Variants in SH3BGRL2 observed in about 807,000 individuals in gnomAD.
SH3BGRL2 encodes SH3 domain-binding glutamic acid-rich-like protein 2.
Under a neutral mutation model 14.8 loss-of-function variants are expected in SH3BGRL2, and 21 were observed. The observed-to-expected ratio is 1.42, with a 90% CI of 1.01 to 2.05. SH3BGRL2 has a LOEUF of 2.05. Ranked by LOEUF, SH3BGRL2 falls within the 30% of genes most tolerant of loss-of-function variation. SH3BGRL2 has a pLI of 0.00. For synonymous variants in SH3BGRL2, 50 were observed against 47.8 expected (o/e 1.05, Z -0.19); for missense variants, 147 against 130.8 (o/e 1.12, Z -0.61).
the SH3BGRL2 span, among the ~76,000 whole-genome samples, chr6:79,571,830 T>G: frequency 6.6e-6 from 1 of 152,218 alleles, no homozygotes; most frequent in Non-Finnish European, 1.5e-5. Flanking sequence ...ATGTGTGTTC[T>G]GCAATTTCTT....
chr6:79,674,226 A>G (rs1769836784), intron 2 of SH3BGRL2, among the ~76,000 whole-genome samples: 1 of 152,124 alleles, frequency 6.6e-6, no homozygotes, highest in African/African-American at 2.4e-5. Context: ...AGAGGGGGAT[A>G]ATTATCTTTG....
the SH3BGRL2 span, among the ~76,000 whole-genome samples, chr6:79,569,280 T>C: frequency 1.2e-4 from 19 of 152,298 alleles, no homozygotes; most frequent in East Asian, 5.8e-4. Flanking sequence ...GGTTAAGATA[T>C]GCAGTTGTGG....
the SH3BGRL2 span, among the ~76,000 whole-genome samples, chr6:79,607,721 G>T: frequency 6.6e-6 from 1 of 152,120 alleles, no homozygotes; most frequent in Non-Finnish European, 1.5e-5. Flanking sequence ...GAGGCAGGCA[G>T]ATCACCTGAG....
intron 1 of SH3BGRL2, among the ~76,000 whole-genome samples, chr6:79,671,738 A>G (rs998506340): frequency 6.6e-6 from 1 of 152,172 alleles, no homozygotes; most frequent in Non-Finnish European, 1.5e-5. Context: ...CCCGCCCAGT[A>G]GGCTGATGTG....
At chr6:79,687,781 A>G (rs549712237) in intron 2 of SH3BGRL2, among the ~76,000 whole-genome samples, 54 of 152,308 alleles carry the variant, frequency 3.5e-4, no homozygotes, top group Middle Eastern at 3.4e-3. Flanking sequence ...GGTAAAACAA[A>G]TTTACTTGGG....
chr6:79,691,972 A>G (rs1334552323), intron 2 of SH3BGRL2, among the ~76,000 whole-genome samples: 4 of 152,112 alleles, frequency 2.6e-5, no homozygotes, highest in South Asian at 2.1e-4. Context: ...AGTCCCACCA[A>G]CAGTGTAAAA....
At chr6:79,547,992 A>G in the SH3BGRL2 span, among the ~76,000 whole-genome samples, 1 of 152,010 alleles carries the variant, frequency 6.6e-6, no homozygotes, top group African/African-American at 2.4e-5. Flanking sequence ...CAGTGTCTCA[A>G]ATAGCTGGGA....
At chr6:79,649,567 T>C (rs1252382767) in intron 1 of SH3BGRL2, among the ~76,000 whole-genome samples, 1 of 152,158 alleles carries the variant, frequency 6.6e-6, no homozygotes. Flanking sequence ...CTCTTCTTTT[T>C]ACCTTTCATT....
the SH3BGRL2 span, among the ~76,000 whole-genome samples, chr6:79,550,085 C>G: frequency 6.6e-6 from 1 of 151,946 alleles, no homozygotes; most frequent in Non-Finnish European, 1.5e-5. Context: ...TTCTACAGTT[C>G]TGCATTTTCC....
At chr6:79,676,646 T>TAC (rs1769890360) in intron 2 of SH3BGRL2, among the ~76,000 whole-genome samples, 1 of 104,608 alleles carries the variant, frequency 9.6e-6, no homozygotes, top group Non-Finnish European at 2.3e-5. Flanking sequence ...TGTGTATATA[T>TAC]ATATAATCTT....
intron 2 of SH3BGRL2, among the ~76,000 whole-genome samples, chr6:79,675,995 C>A (rs1769874770): frequency 6.6e-6 from 1 of 152,086 alleles, no homozygotes; most frequent in Non-Finnish European, 1.5e-5. Context: ...TGAATGCAGC[C>A]TTGTTTCCCT....
intron 1 of SH3BGRL2, among the ~76,000 whole-genome samples, chr6:79,671,098 T>C (rs925751453): frequency 1.3e-5 from 2 of 152,138 alleles, no homozygotes; most frequent in East Asian, 3.9e-4. Flanking sequence ...ATAACTACCA[T>C]TGTTTTGCTT....
chr6:79,676,694 G>C (rs1769891959), intron 2 of SH3BGRL2, among the ~76,000 whole-genome samples: 1 of 151,834 alleles, frequency 6.6e-6, no homozygotes, highest in African/African-American at 2.4e-5. Context: ...CTTACTGAGA[G>C]AAAGGAGGTA....
At chr6:79,611,826 T>C in the SH3BGRL2 span, among the ~76,000 whole-genome samples, 1 of 152,214 alleles carries the variant, frequency 6.6e-6, no homozygotes, top group African/African-American at 2.4e-5. Context: ...TTACCTTGGA[T>C]GGGTCACTTA....
intron 1 of SH3BGRL2, among the ~76,000 whole-genome samples, chr6:79,646,546 G>A (rs1448534262): frequency 1.3e-5 from 2 of 152,166 alleles, no homozygotes; most frequent in Non-Finnish European, 2.9e-5. Flanking sequence ...TTTCATAATT[G>A]AGATATAATT....
upstream of SH3BGRL2, among the ~76,000 whole-genome samples, chr6:79,626,482 C>A (rs1015387176): frequency 6.6e-5 from 10 of 152,144 alleles, no homozygotes; most frequent in Non-Finnish European, 5.9e-5. Flanking sequence ...CTTCAAGACA[C>A]TGCAATCTAG....
chr6:79,556,762 G>C, the SH3BGRL2 span, among the ~76,000 whole-genome samples: 1 of 151,894 alleles, frequency 6.6e-6, no homozygotes, highest in Non-Finnish European at 1.5e-5. Context: ...GGTTAAATAT[G>C]CTATGGTACA....
the SH3BGRL2 span, among the ~76,000 whole-genome samples, chr6:79,601,996 T>C: frequency 6.6e-6 from 1 of 152,068 alleles, no homozygotes; most frequent in Admixed American, 6.5e-5. Context: ...CAGCTTTAGC[T>C]CTGAGCTTCC....
intron 1 of SH3BGRL2, among the ~76,000 whole-genome samples, chr6:79,671,754 C>CT (rs1257648398): frequency 1.3e-5 from 2 of 151,704 alleles, no homozygotes; most frequent in East Asian, 1.9e-4. Flanking sequence ...ATGTGTTTCT[C>CT]TAAGTTCCTG....
Sources: allele counts gnomAD v4.1 joint callset (sites outside exome capture counted in the v4.1 genomes callset), GRCh38; gene constraint gnomAD v4.1.1; transcripts MANE v1.5; gene names NCBI Gene and HGNC (gene_info 2026-07-23, HGNC 2026-07-21).